Variants in GABRB1 observed in about 807,000 individuals in gnomAD.
The protein encoded by GABRB1 is gamma-aminobutyric acid receptor subunit beta-1.
Under a neutral mutation model 51.6 loss-of-function variants are expected in GABRB1, and 17 were observed. The observed-to-expected ratio is 0.33, with a 90% CI of 0.23 to 0.49. The LOEUF (loss-of-function observed/expected upper bound fraction) is 0.49, where lower values mean the gene tolerates loss of function less well. Among genes scored for constraint, GABRB1 ranks in the 20% least tolerant of loss-of-function variants. The pLI is 0.99. For synonymous variants in GABRB1, 247 were observed against 218.9 expected (o/e 1.13, Z -1.14); for missense variants, 410 against 600.6 (o/e 0.68, Z 3.32).
At chr4:47,027,995 T>C (rs1191690957), upstream of GABRB1, among the ~76,000 whole-genome samples, 2 of 151,692 alleles carry the variant, frequency 1.3e-5, no homozygotes, top group African/African-American at 2.4e-5. Flanking sequence ...CCAAAGTATA[T>C]GAAATTGTAT....
chr4:47,371,396 A>T (rs1375816142), intron 5 of GABRB1, among the ~76,000 whole-genome samples: 2 of 152,204 alleles, frequency 1.3e-5, no homozygotes, highest in African/African-American at 4.8e-5. Context: ...TGCAATCAAC[A>T]TACACGTGCA....
chr4:47,340,878 G>A (rs1725868677), intron 5 of GABRB1, among the ~76,000 whole-genome samples: 1 of 152,156 alleles, frequency 6.6e-6, no homozygotes. Flanking sequence ...TCTAAGACAA[G>A]CATGTCAGAG....
At chr4:47,146,648 T>C (rs1176194110) in intron 3 of GABRB1, among the ~76,000 whole-genome samples, 1 of 152,006 alleles carries the variant, frequency 6.6e-6, no homozygotes, top group Non-Finnish European at 1.5e-5. Context: ...CTGTCCAAGT[T>C]GTCCTGGTGA....
chr4:47,270,869 C>T (rs182622114), intron 4 of GABRB1, among the ~76,000 whole-genome samples: 8 of 152,142 alleles, frequency 5.3e-5, no homozygotes, highest in African/African-American at 9.7e-5. Context: ...CTATAGCATA[C>T]GAACACAAAT....
intron 3 of GABRB1, among the ~76,000 whole-genome samples, chr4:47,085,376 T>G (rs1728017030): frequency 6.6e-6 from 1 of 152,186 alleles, no homozygotes; most frequent in Middle Eastern, 3.2e-3. Context: ...TTCAAGACAT[T>G]TTATTTGCTT....
intron 4 of GABRB1, among the ~76,000 whole-genome samples, chr4:47,294,595 CAGCCGGGAAGCTCGAAT>C (rs1723889985): frequency 6.6e-6 from 1 of 152,246 alleles, no homozygotes; most frequent in Non-Finnish European, 1.5e-5. Context: ...GTAAACAAAG[CAGCCGGGAAGCTCGAAT>C]TGGGTGGAGC....
At chr4:47,258,934 T>C (rs1358645110) in intron 4 of GABRB1, among the ~76,000 whole-genome samples, 1 of 152,126 alleles carries the variant, frequency 6.6e-6, no homozygotes, top group Non-Finnish European at 1.5e-5. Flanking sequence ...TTGATAAAAT[T>C]TCCTAGTTCT....
chr4:47,119,512 T>G (rs1377757091), intron 3 of GABRB1, among the ~76,000 whole-genome samples: 4 of 53,896 alleles, frequency 7.4e-5, no homozygotes, highest in African/African-American at 1.6e-4. Flanking sequence ...TTTTCTTTCT[T>G]TTTTTTTTTT....
chr4:47,160,683 A>C (rs1201025598), intron 3 of GABRB1, among the ~76,000 whole-genome samples: 2 of 152,040 alleles, frequency 1.3e-5, no homozygotes, highest in Admixed American at 6.6e-5. Context: ...TTTAAAATTC[A>C]ATTACATCTA....
chr4:47,210,629 A>G (rs1354501827), intron 4 of GABRB1, among the ~76,000 whole-genome samples: 2 of 152,216 alleles, frequency 1.3e-5, no homozygotes, highest in African/African-American at 4.8e-5. Context: ...GAATATTGAT[A>G]TCTTCATATA....
chr4:47,116,224 G>T (rs1035433629), intron 3 of GABRB1, among the ~76,000 whole-genome samples: 3 of 150,912 alleles, frequency 2.0e-5, no homozygotes, highest in African/African-American at 7.3e-5. Context: ...TTTGATTTGT[G>T]TTTTTTTTTC....
intron 3 of GABRB1, among the ~76,000 whole-genome samples, chr4:47,054,878 C>A (rs189291043): frequency 6.6e-6 from 1 of 152,182 alleles, no homozygotes; most frequent in East Asian, 1.9e-4. Context: ...AGCCACTGCA[C>A]CCGGACACTT....
intron 3 of GABRB1, among the ~76,000 whole-genome samples, chr4:47,053,181 C>T (rs1726431856): frequency 6.6e-6 from 1 of 152,126 alleles, no homozygotes; most frequent in Non-Finnish European, 1.5e-5. Context: ...CAAGAATGAC[C>T]CTTCAGAATT....
chr4:47,211,275 A>G (rs1720345527), intron 4 of GABRB1, among the ~76,000 whole-genome samples: 1 of 152,194 alleles, frequency 6.6e-6, no homozygotes, highest in African/African-American at 2.4e-5. Flanking sequence ...AGTGGAGCCC[A>G]ATAGTTTGAA....
At chr4:47,318,895 T>A (rs1724974446) in intron 4 of GABRB1, among the ~76,000 whole-genome samples, 1 of 152,116 alleles carries the variant, frequency 6.6e-6, no homozygotes, top group Non-Finnish European at 1.5e-5. Context: ...TTCTTTTTTA[T>A]CTTAATCTCC....
intron 4 of GABRB1, among the ~76,000 whole-genome samples, chr4:47,284,921 C>T (rs1032373406): frequency 6.6e-6 from 1 of 152,134 alleles, no homozygotes. Flanking sequence ...TTTCATAAGA[C>T]GTCTCAGATA....
At chr4:47,253,691 G>A (rs1203359682) in intron 4 of GABRB1, among the ~76,000 whole-genome samples, 1 of 152,122 alleles carries the variant, frequency 6.6e-6, no homozygotes, top group African/African-American at 2.4e-5. Context: ...ATGAAATTAA[G>A]ATAATTAAAT....
At position 47,406,909 on chromosome 4, in the gene GABRB1, G is replaced by A; in HGVS notation, c.1063G>A (p.Glu355Lys). 1 of 1,613,872 alleles carries A rather than the reference G, an allele frequency of 6.2e-7. No homozygotes were observed. Among genetic ancestry groups the A allele is most frequent in the South Asian group, 1.1e-5 (1 of 91,070 alleles). The change falls in exon 8 of 9, where the codon GAG (glutamate) becomes AAG (lysine). Residue 355 changes from glutamate to lysine, a missense_variant. Physicochemically the swap from Glu to Lys is moderately conservative, Grantham distance 56 (BLOSUM62 1). This residue lies in a region of GABRB1 where 181 missense variants were observed against 195.6 expected (regional missense o/e 0.93). Transcript: ENST00000295454. The part of the protein sequence containing the change: ...DQSANEKNKL[E>K]MNKVQVDAHG... ...GAGTGCCAATGAGAAGAATAAACTG[G>A]AGATGAATAAAGTCCAGGTAAGATA...
At chr4:47,301,286 T>C (rs750663655) in intron 4 of GABRB1, among the ~76,000 whole-genome samples, 1 of 152,140 alleles carries the variant, frequency 6.6e-6, no homozygotes, top group Non-Finnish European at 1.5e-5. Context: ...AAATGGTTCA[T>C]GGGCAATCAG....
Sources: gnomAD v4.1 joint callset for allele counts (sites outside exome capture counted in the v4.1 genomes callset) on GRCh38, gnomAD v4.1.1 for gene constraint, gnomAD v4.1.1 regional missense constraint, MANE v1.5 for transcripts, NCBI Gene and HGNC (gene_info 2026-07-23, HGNC 2026-07-21) for gene names.